The following MROH2B variants were observed in gnomAD, a reference collection of about 807,000 sequenced individuals.
The protein encoded by MROH2B is maestro heat-like repeat-containing protein family member 2B.
A neutral mutation model predicts 208.6 loss-of-function variants in MROH2B; 177 were observed. The observed-to-expected ratio is 0.85, with a 90% CI of 0.75 to 0.96. The LOEUF (loss-of-function observed/expected upper bound fraction) is 0.96. MROH2B is among the 40% of genes least tolerant of loss of function. The pLI is 0.00. For missense variants in MROH2B, 2,002 were observed against 1,878.7 expected (o/e 1.07, Z -1.21); for synonymous variants, 728 against 659.0 (o/e 1.10, Z -1.60).
chr5:41,024,962 A>C (rs1742297853), intron 24 of MROH2B, among the ~76,000 whole-genome samples: 1 of 152,230 alleles, frequency 6.6e-6, no homozygotes, highest in Admixed American at 6.5e-5. Context: ...ATGAAGGCAG[A>C]AATAAAGATG....
chr5:41,018,012 G>T, intron 27 of MROH2B, 42 bp from the exon 28 acceptor site: 1 of 1,553,610 alleles, frequency 6.4e-7, no homozygotes, highest in Non-Finnish European at 8.7e-7. Context: ...GGGGTAGCTT[G>T]GTCATATCCC....
At chr5:41,062,499 C>G (rs960647404) in intron 5 of MROH2B, among the ~76,000 whole-genome samples, 1 of 152,140 alleles carries the variant, frequency 6.6e-6, no homozygotes, top group Non-Finnish European at 1.5e-5. Context: ...GTGTCTGTGT[C>G]TATGTTTTAC....
intron 40 of MROH2B, among the ~76,000 whole-genome samples, chr5:40,999,191 G>A (rs1659160678): frequency 1.3e-5 from 2 of 152,162 alleles, no homozygotes; most frequent in African/African-American, 4.8e-5. Flanking sequence ...CAGACAGAGA[G>A]GTAACATAAA....
intron 22 of MROH2B, among the ~76,000 whole-genome samples, 170 bp from the exon 23 acceptor site, chr5:41,033,330 A>G (rs1175983665): frequency 1.3e-5 from 2 of 152,038 alleles, no homozygotes; most frequent in East Asian, 3.9e-4. Flanking sequence ...GTGAGAAACA[A>G]ATGCCATTTT....
At chr5:41,038,992 T>C in intron 20 of MROH2B, 104 bp from the exon 21 acceptor site, 2 of 1,002,634 alleles carry the variant, frequency 2.0e-6, no homozygotes, top group Non-Finnish European at 2.9e-6. Context: ...GATAAGAAAC[T>C]GGACTGGGAT....
chr5:41,041,399 G>A (rs935682219), intron 19 of MROH2B, among the ~76,000 whole-genome samples: 4 of 152,134 alleles, frequency 2.6e-5, no homozygotes, highest in African/African-American at 9.7e-5. Flanking sequence ...GGCTGAGGTG[G>A]GTGGATCACC....
chr5:40,998,209 C>A, intron 41 of MROH2B, 51 bp from the exon 42 acceptor site: 2 of 1,494,354 alleles, frequency 1.3e-6, no homozygotes, highest in South Asian at 2.3e-5. Context: ...CAGAGCCCAG[C>A]AAGAAGGGCA....
chr5:41,023,728 T>C (rs984232151), intron 24 of MROH2B, among the ~76,000 whole-genome samples: 5 of 152,094 alleles, frequency 3.3e-5, no homozygotes, highest in Admixed American at 3.3e-4. Context: ...AGACACATAA[T>C]TGTCAGATAC....
chr5:41,058,214 A>G lies in MROH2B; in HGVS notation c.616-11T>C. The G allele has an allele frequency of 6.6e-7, 1 of 1,507,086 alleles. No individual in the cohort carries two copies. The highest frequency in any genetic ancestry group is 8.9e-7 in the Non-Finnish European group (1 of 1,124,094). 93.4% of individuals were successfully genotyped at this position (1,507,086 alleles called of 1,614,324 possible). On this transcript the variant is annotated splice_polypyrimidine_tract_variant and intron_variant, in intron 6 of 41. Coordinates refer to ENST00000399564, the MANE Select transcript of MROH2B (RefSeq NM_173489.5). ...AACGATGCTCAAAGTCTGTACAGGC[A>G]GCAAACAAATACCGTTTCTGAAACT...
Position 41,058,066 on chromosome 5 carries a change from A to C in MROH2B, c.753T>G (p.Thr251=), listed in dbSNP as rs764075904. Residue 251 remains threonine, a synonymous_variant, in exon 7 of 42, where the codon ACT becomes ACG. Coordinates refer to ENST00000399564, the MANE Select transcript of MROH2B (RefSeq NM_173489.5). ...TCCTTTAGGGTATGGCTCTTACCTG[A>C]GTGACATGGAAATCAATCTCTTTGT... The part of the protein sequence containing the change: ...YKDKEIDFHV[T]QSLKQILTAA... 2 of 1,587,972 alleles carry C rather than the reference A, an allele frequency of 1.3e-6. No homozygotes were observed. The highest frequency in any genetic ancestry group is 1.7e-6 in the Non-Finnish European group (2 of 1,167,032).
At chr5:41,041,346 G>T (rs1389641183) in intron 19 of MROH2B, among the ~76,000 whole-genome samples, 1 of 152,082 alleles carries the variant, frequency 6.6e-6, no homozygotes, top group Non-Finnish European at 1.5e-5. Context: ...CACATCTTCA[G>T]CGGGGTGCGG....
At chr5:41,043,190 G>T (rs977913066) in intron 18 of MROH2B, among the ~76,000 whole-genome samples, 2 of 152,190 alleles carry the variant, frequency 1.3e-5, no homozygotes, top group African/African-American at 4.8e-5. Flanking sequence ...TATCAATCTG[G>T]CTTGAAATGA....
chr5:41,015,786 GGA>G (rs1741928596), intron 28 of MROH2B, among the ~76,000 whole-genome samples: 1 of 152,188 alleles, frequency 6.6e-6, no homozygotes, highest in African/African-American at 2.4e-5. Flanking sequence ...AATAAAAATA[GGA>G]GAGTCTGAAT....
chr5:41,047,749 G>A lies in MROH2B; in HGVS notation c.1700C>T (p.Thr567Ile). 6.3e-7 allele frequency: 1 copy of A among 1,593,258 alleles called. No individual in the cohort carries two copies. Among genetic ancestry groups the A allele is most frequent in the Admixed American group, 1.7e-5 (1 of 57,496 alleles). ...AAGCAGCATGGTTTCCCATAGAACG[G>A]TACTGATGTTCTTTCCTAGAAACAA... Reference protein sequence around the residue: ...LQPLEGKNISTVLWETMLLQL... With the variant: ...LQPLEGKNISIVLWETMLLQL... The change falls in exon 17 of 42, where the codon ACC becomes ATC. Residue 567 changes from threonine (T) to isoleucine (I), a missense_variant. Coordinates refer to ENST00000399564, the MANE Select transcript of MROH2B (RefSeq NM_173489.5).
chr5:41,023,468 G>T (rs1742233962), intron 24 of MROH2B, among the ~76,000 whole-genome samples: 1 of 152,172 alleles, frequency 6.6e-6, no homozygotes, highest in South Asian at 2.1e-4. Context: ...TTAATGAAAT[G>T]AAGTGAGAAG....
intron 37 of MROH2B, among the ~76,000 whole-genome samples, chr5:41,003,219 C>T (rs1741459653): frequency 2.0e-5 from 3 of 152,064 alleles, no homozygotes; most frequent in Non-Finnish European, 4.4e-5. Context: ...CCTCAGCCTC[C>T]CAAAGTGCTG....
intron 13 of MROH2B, 143 bp downstream of exon 13, chr5:41,050,834 C>A: frequency 1.7e-6 from 1 of 593,866 alleles, no homozygotes; most frequent in South Asian, 2.2e-5. Flanking sequence ...GTGTTGGACA[C>A]AGCGTTGCAA....
chr5:41,000,782 G>C lies in MROH2B; in HGVS notation c.4246C>G (p.Pro1416Ala). The change falls in exon 38 of 42, where the codon CCC becomes GCC. Residue 1416 changes from proline (P) to alanine (A), a missense_variant. By Grantham distance (27) the Pro-to-Ala change is conservative (BLOSUM62 -1). Coordinates refer to ENST00000399564, the MANE Select transcript of MROH2B (RefSeq NM_173489.5). ...TAIFLFEDLA[P>A]LTGRRWKIFF... ...ATCTTCCACCTTCTTCCTGTTAGGG[G>C]TGCCAGGTCCTCAAATAAGAAGATG... The C allele has an allele frequency of 6.2e-7, 1 of 1,611,568 alleles. No homozygotes were observed. The highest frequency in any genetic ancestry group is 1.3e-5 in the African/African-American group (1 of 74,960).
chr5:41,022,097 C>T (rs1742170287), intron 24 of MROH2B, among the ~76,000 whole-genome samples: 1 of 152,240 alleles, frequency 6.6e-6, no homozygotes, highest in East Asian at 1.9e-4. Flanking sequence ...ATAGGAACAG[C>T]TCCAGTCTAC....
Sources: gnomAD v4.1 joint callset for allele counts (sites outside exome capture counted in the v4.1 genomes callset) on GRCh38, gnomAD v4.1.1 for gene constraint, MANE v1.5 for transcripts, NCBI Gene and HGNC (gene_info 2026-07-23, HGNC 2026-07-21) for gene names.